Variants in MCM5 observed in about 807,000 individuals in gnomAD.
The protein encoded by MCM5 is DNA replication licensing factor MCM5.
In MCM5, 46 loss-of-function variants were observed where a neutral mutation model predicts 79.9. That is an observed-to-expected ratio of 0.58 (90% CI 0.45 to 0.74). The LOEUF (loss-of-function observed/expected upper bound fraction) is 0.74, where lower values mean the gene tolerates loss of function less well. Among genes scored for constraint, MCM5 ranks in the 30% least tolerant of loss-of-function variants. The probability of loss-of-function intolerance (pLI) is 0.00; values close to 1 mark genes in which losing one functional copy is unlikely to be tolerated. For missense variants in MCM5, 883 were observed against 1,017.0 expected, an observed-to-expected ratio of 0.87 and a Z score of 1.79; for synonymous variants, 404 against 390.5, an observed-to-expected ratio of 1.03 and a Z score of -0.41.
chr22:35,449,231 T>TA, the MCM5 span, among the ~76,000 whole-genome samples: 169 of 152,200 alleles, frequency 1.1e-3, no homozygotes, highest in Admixed American at 2.1e-3. Flanking sequence ...GGCCTAGAAC[T>TA]GAAGGAGGAG....
chr22:35,421,732 A>C (rs1040178899), intron 15 of MCM5: 1 of 495,876 alleles, frequency 2.0e-6, no homozygotes, highest in Admixed American at 3.2e-5. Flanking sequence ...CTCACTGGCT[A>C]GGAACAACAG....
chr22:35,400,557 G>A lies in MCM5; in HGVS notation c.119G>A (p.Arg40Gln), dbSNP rs972098548. 1 of 1,613,778 alleles carries A rather than the reference G, an allele frequency of 6.2e-7. No individual in the cohort carries two copies. The highest frequency in any genetic ancestry group is 1.3e-5 in the African/African-American group (1 of 74,918). ...CAGAGGCGCTTCAAGGAGTTCCTGC[G>A]GCAGTACCGAGTGGGCACCGACCGC... ...QLQRRFKEFL[R>Q]QYRVGTDRTG... Residue 40 changes from arginine to glutamine, a missense_variant, in exon 2 of 17, where the codon CGG becomes CAG. Transcript: ENST00000216122.
chr22:35,423,218 G>A lies in MCM5; in HGVS notation c.1980G>A (p.Val660=). 5.1e-6 allele frequency: 8 copies of A among 1,583,080 alleles called. No individual in the cohort carries two copies. The highest frequency in any genetic ancestry group is 6.9e-6 in the Non-Finnish European group (8 of 1,160,004). ...DAALSGTLSG[V]EGFTSQEDQE... Reference sequence around the variant, plus strand: ...CTCACTTCTCCATGCCCACAGGGGTGGAGGGCTTCACCAGCCAGGAGGACC... The same window carrying A: ...CTCACTTCTCCATGCCCACAGGGGTAGAGGGCTTCACCAGCCAGGAGGACC... Residue 660 remains valine, a synonymous_variant, in exon 16 of 17, where the codon GTG becomes GTA. Coordinates refer to ENST00000216122, the MANE Select transcript of MCM5 (RefSeq NM_006739.4).
chr22:35,416,648 C>G lies in MCM5; in HGVS notation c.1424C>G (p.Thr475Ser), dbSNP rs762794709. ...TCTGTCGCCTGTTAGGCTGGGATCACCACCACCCTGAACTCCCGCTGCTCC... is the reference window on the plus strand; with the variant it reads ...TCTGTCGCCTGTTAGGCTGGGATCAGCACCACCCTGAACTCCCGCTGCTCC... ...QTISIAKAGI[T>S]TTLNSRCSVL... Residue 475 changes from threonine to serine, a missense_variant, in exon 12 of 17, where the codon ACC (threonine) becomes AGC (serine). By Grantham distance (58) the Thr-to-Ser change is moderately conservative (BLOSUM62 1). Transcript: ENST00000216122. 68 of 1,613,680 alleles carry G rather than the reference C, an allele frequency of 4.2e-5. No homozygotes were observed. Among genetic ancestry groups the G allele is most frequent in the Non-Finnish European group, 5.6e-5 (66 of 1,179,864 alleles).
chr22:35,403,960 A>C (rs935503687), intron 4 of MCM5, among the ~76,000 whole-genome samples: 4 of 152,212 alleles, frequency 2.6e-5, no homozygotes, highest in African/African-American at 9.6e-5. Context: ...AACAAAAAAA[A>C]CAAAGCTAGG....
chr22:35,452,077 A>G, the MCM5 span, among the ~76,000 whole-genome samples: 1 of 152,038 alleles, frequency 6.6e-6, no homozygotes, highest in Non-Finnish European at 1.5e-5. Context: ...CCCCTCATCC[A>G]TGTGTAAAAA....
At chr22:35,421,660 GCAGCTTCTCTC>G in intron 15 of MCM5, 200 bp downstream of exon 15, 1 of 706,638 alleles carries the variant, frequency 1.4e-6, no homozygotes, top group Non-Finnish European at 2.5e-6. Flanking sequence ...ATGGGAAGAA[GCAGCTTCTCTC>G]CAGACCCTTG....
At chr22:35,448,455 C>T in the MCM5 span, among the ~76,000 whole-genome samples, 1 of 152,098 alleles carries the variant, frequency 6.6e-6, no homozygotes, top group Non-Finnish European at 1.5e-5. Context: ...ACATGCCAGA[C>T]CCTCCACTCC....
intron 16 of MCM5, 111 bp downstream of exon 16, chr22:35,423,452 G>T: frequency 8.0e-7 from 1 of 1,253,050 alleles, no homozygotes; most frequent in Non-Finnish European, 1.1e-6. Flanking sequence ...CTGAACGGGG[G>T]TAGGATGGAC....
Position 35,424,633 on chromosome 22 carries a change from G to A in MCM5, c.*378G>A, listed in dbSNP as rs1932760923. 1.1e-5 allele frequency: 2 copies of A among 173,982 alleles called. No homozygotes were observed. The highest frequency in any genetic ancestry group is 2.4e-5 in the Non-Finnish European group (2 of 82,444). 10.8% of individuals were successfully genotyped at this position (173,982 alleles called of 1,614,324 possible). A position where few individuals can be genotyped will look rare whatever the true frequency, so the allele number is the denominator to read the frequency against. Reference sequence around the variant, plus strand: ...TTGGATCTGCCACTCAGACTTCTGGGTAAGTCACGTGACTTGAGTGCTCCG... The same window carrying A: ...TTGGATCTGCCACTCAGACTTCTGGATAAGTCACGTGACTTGAGTGCTCCG... On this transcript the variant is annotated 3_prime_UTR_variant, in exon 17 of 17. Coordinates refer to ENST00000216122, the MANE Select transcript of MCM5 (RefSeq NM_006739.4).
intron 8 of MCM5, 90 bp downstream of exon 8, chr22:35,412,771 CT>C: frequency 8.7e-7 from 1 of 1,144,742 alleles, no homozygotes. Context: ...ACTGGGCACT[CT>C]TTTTTGTATT....
At chr22:35,432,311 T>C in the MCM5 span, among the ~76,000 whole-genome samples, 125 of 152,276 alleles carry the variant, frequency 8.2e-4, no homozygotes, top group African/African-American at 2.7e-3. Context: ...TGGGACCCCA[T>C]GGAGGCCTGG....
the MCM5 span, among the ~76,000 whole-genome samples, chr22:35,443,503 T>C: frequency 6.6e-6 from 1 of 152,192 alleles, no homozygotes; most frequent in Admixed American, 6.5e-5. Flanking sequence ...GGTGCAAAAT[T>C]TGTGCAAGGG....
At chr22:35,427,495 CA>C (rs1408584211), downstream of MCM5, among the ~76,000 whole-genome samples, 11 of 145,910 alleles carry the variant, frequency 7.5e-5, no homozygotes, top group East Asian at 4.0e-4. Flanking sequence ...GTATTTAACA[CA>C]TTTTTTTTTT....
intron 10 of MCM5, 119 bp from the exon 11 acceptor site, chr22:35,416,220 A>G (rs1932535184): frequency 9.3e-7 from 1 of 1,074,856 alleles, no homozygotes; most frequent in South Asian, 1.4e-5. Context: ...GGTTGCTGCC[A>G]TTGGCCTTGC....
At chr22:35,438,916 TATTC>T in the MCM5 span, among the ~76,000 whole-genome samples, 46 of 98,702 alleles carry the variant, frequency 4.7e-4, no homozygotes, top group African/African-American at 1.7e-3. Flanking sequence ...TCCACTCACA[TATTC>T]ATCCATCCAT....
chr22:35,405,839 G>A (rs1216235638), intron 4 of MCM5, among the ~76,000 whole-genome samples: 5 of 151,572 alleles, frequency 3.3e-5, no homozygotes, highest in Non-Finnish European at 5.9e-5. Flanking sequence ...GTGAAACCCC[G>A]TCTCTACTAA....
the MCM5 span, among the ~76,000 whole-genome samples, chr22:35,452,165 A>C: frequency 6.6e-6 from 1 of 152,126 alleles, no homozygotes; most frequent in African/African-American, 2.4e-5. Flanking sequence ...CACTTGACCT[A>C]GGCCTCCAAG....
intron 1 of MCM5, 21 bp from the exon 2 acceptor site, chr22:35,400,410 G>C: frequency 1.9e-6 from 3 of 1,613,838 alleles, no homozygotes; most frequent in Non-Finnish European, 2.5e-6. Flanking sequence ...AGCCTGTTCT[G>C]GCCGTTTGTT....
Sources: allele counts gnomAD v4.1 joint callset (sites outside exome capture counted in the v4.1 genomes callset), GRCh38; gene constraint gnomAD v4.1.1; transcripts MANE v1.5; gene names NCBI Gene and HGNC (gene_info 2026-07-23, HGNC 2026-07-21).